ASXL3: variants seen among roughly 807,000 people sequenced by gnomAD.
ASXL3 encodes ASXL transcriptional regulator 3.
In ASXL3, 34 loss-of-function variants were observed where a neutral mutation model predicts 170.6. That is an observed-to-expected ratio of 0.20 (90% CI 0.15 to 0.27). ASXL3 has a LOEUF of 0.27. Ranked by LOEUF, ASXL3 falls within the 10% of genes least tolerant of loss-of-function variation. The pLI is 1.00. For synonymous variants in ASXL3, 1,002 were observed against 989.1 expected, an observed-to-expected ratio of 1.01 and a Z score of -0.24; for missense variants, 2,592 against 2,695.3, an observed-to-expected ratio of 0.96 and a Z score of 0.85.
chr18:33,587,413 A>G (rs2065043679), intron 1 of ASXL3, among the ~76,000 whole-genome samples: 1 of 152,104 alleles, frequency 6.6e-6, no homozygotes, highest in Non-Finnish European at 1.5e-5. Context: ...ACTTTCTTAT[A>G]TCACGCTCCC....
Position 33,745,966 on chromosome 18 carries a change from C to G in ASXL3, c.6118C>G (p.Pro2040Ala), listed in dbSNP as rs760150086. The change falls in exon 12 of 12, where the codon CCG (proline) becomes GCG (alanine). Residue 2040 changes from proline (P) to alanine (A), a missense_variant. Around this residue, in one of 4 missense-constraint regions of ASXL3, gnomAD observed 2,246 missense variants for 2,219.6 expected, o/e 1.01. Transcript: ENST00000269197. ...ALPPPPPPPP[P>A]LPPPLPNAEV... ...GCCCCCGCCTCCCCCCCCACCACCT[C>G]CGCTACCTCCACCTCTCCCTAATGC... 15 of 1,562,652 alleles carry G rather than the reference C, an allele frequency of 9.6e-6. No homozygotes were observed. The South Asian group carries it at 1.6e-4, about 17-fold the overall frequency.
At chr18:33,652,075 G>A (rs966476109) in intron 4 of ASXL3, among the ~76,000 whole-genome samples, 5 of 151,990 alleles carry the variant, frequency 3.3e-5, no homozygotes, top group African/African-American at 1.2e-4. Flanking sequence ...AATGATTTAG[G>A]TGAATTACTT....
intron 10 of ASXL3, among the ~76,000 whole-genome samples, chr18:33,736,916 T>C (rs1282164465): frequency 6.6e-6 from 1 of 152,184 alleles, no homozygotes; most frequent in Non-Finnish European, 1.5e-5. Flanking sequence ...TACCTATATG[T>C]ATATTTAATA....
Position 33,739,327 on chromosome 18 carries a change from T to A in ASXL3, c.1923T>A (p.Thr641=). The change falls in exon 11 of 12, where the codon ACT becomes ACA. Residue 641 remains threonine, a synonymous_variant. Coordinates refer to ENST00000269197, the MANE Select transcript of ASXL3 (RefSeq NM_030632.3). ...AGTCCACATCAGAAGAATCATGTAC[T>A]CCAGCCTCCCTTGAGACAACATTTT... The part of the protein sequence containing the change: ...ETQSTSEESC[T]PASLETTFCS... 6.2e-7 allele frequency: 1 copy of A among 1,613,588 alleles called. No homozygotes were observed. Among genetic ancestry groups the A allele is most frequent in the Non-Finnish European group, 8.5e-7 (1 of 1,179,662 alleles).
At chr18:33,624,476 T>A (rs187899554) in intron 2 of ASXL3, among the ~76,000 whole-genome samples, 16 of 152,212 alleles carry the variant, frequency 1.1e-4, no homozygotes, top group African/African-American at 1.4e-4. Flanking sequence ...GTGGTGATAT[T>A]TCTTTAGCTA....
chr18:33,598,157 ATTG>A (rs1384286485), intron 1 of ASXL3, among the ~76,000 whole-genome samples: 1 of 152,154 alleles, frequency 6.6e-6, no homozygotes, highest in African/African-American at 2.4e-5. Context: ...ATCTGCAAAT[ATTG>A]TTTTCAGAGT....
chr18:33,622,998 T>TA (rs1352650322), intron 2 of ASXL3, among the ~76,000 whole-genome samples: 1 of 152,152 alleles, frequency 6.6e-6, no homozygotes, highest in Non-Finnish European at 1.5e-5. Flanking sequence ...TATCACTTTT[T>TA]ACCTTTGAAA....
chr18:33,734,044 TGCTTTAGCATTCTTCTAAAGCATTTA>T lies in ASXL3; in HGVS notation c.977-202_977-177del, dbSNP rs767463741. ...CCTAGCAGGTAATACATTTGCTAAA[TGCTTTAGCATTCTTCTAAAGCATTTA>T]GCTTTAGCATTCTTCTAAAGCATTT... On this transcript the variant is annotated intron_variant, in intron 9 of 11. Coordinates refer to ENST00000269197, the MANE Select transcript of ASXL3 (RefSeq NM_030632.3). Among the ~76,000 whole-genome samples the T allele has an allele frequency of 0.059, 5,021 of 84,866 alleles. 117 individuals are homozygous for T. Among genetic ancestry groups the T allele is most frequent in the African/African-American group, 0.077 (1,351 of 17,572 alleles). 55.7% of individuals were successfully genotyped at this position (84,866 alleles called of 152,430 possible). A position where few individuals can be genotyped will look rare whatever the true frequency, so the allele number is the denominator to read the frequency against.
At chr18:33,738,402 A>T in intron 10 of ASXL3, 85 bp from the exon 11 acceptor site, 1 of 1,320,768 alleles carries the variant, frequency 7.6e-7, no homozygotes, top group Non-Finnish European at 1.0e-6. Flanking sequence ...ATTTACTTCT[A>T]TTGAATACTA....
At chr18:33,589,750 A>G (rs1407778692) in intron 1 of ASXL3, among the ~76,000 whole-genome samples, 1 of 152,194 alleles carries the variant, frequency 6.6e-6, no homozygotes, top group East Asian at 1.9e-4. Flanking sequence ...ATCAATCATA[A>G]TAAAATTATT....
At chr18:33,706,165 C>T (rs9952522) in intron 8 of ASXL3, among the ~76,000 whole-genome samples, 105,925 of 150,348 alleles carry the variant, frequency 0.7, 38,872 homozygotes, top group East Asian at 0.98. Context: ...AACATTGATA[C>T]TATTATTCTA....
intron 4 of ASXL3, among the ~76,000 whole-genome samples, chr18:33,653,940 A>G (rs1289497293): frequency 3.3e-5 from 5 of 151,910 alleles, no homozygotes; most frequent in African/African-American, 1.2e-4. Flanking sequence ...GACTTATCCC[A>G]ACTCTTTCAA....
intron 4 of ASXL3, among the ~76,000 whole-genome samples, chr18:33,658,390 G>A (rs1020801074): frequency 3.3e-5 from 5 of 152,094 alleles, no homozygotes; most frequent in Admixed American, 3.3e-4. Flanking sequence ...ACTGTACTCA[G>A]TGAATTAGTG....
At chr18:33,594,912 A>G (rs1218979261) in intron 1 of ASXL3, among the ~76,000 whole-genome samples, 1 of 152,068 alleles carries the variant, frequency 6.6e-6, no homozygotes, top group Non-Finnish European at 1.5e-5. Flanking sequence ...TTTTAATTAC[A>G]TCATAATTGA....
At chr18:33,677,096 A>T (rs2066442022) in intron 7 of ASXL3, among the ~76,000 whole-genome samples, 1 of 152,172 alleles carries the variant, frequency 6.6e-6, no homozygotes, top group African/African-American at 2.4e-5. Flanking sequence ...CTTCTAATGG[A>T]TGTCTCCGAG....
In ASXL3 at chr18:33,745,959, A is replaced by G; in HGVS notation, c.6111A>G (p.Pro2037=). The change falls in exon 12 of 12, where the codon CCA becomes CCG. Residue 2037 remains proline, a synonymous_variant. Coordinates refer to ENST00000269197, the MANE Select transcript of ASXL3 (RefSeq NM_030632.3). ...PPLALPPPPP[P]PPPLPPPLPN... is the part of the protein sequence containing the mutation. Reference sequence around the variant, plus strand: ...TGGCTTTGCCCCCGCCTCCCCCCCCACCACCTCCGCTACCTCCACCTCTCC... The same window carrying G: ...TGGCTTTGCCCCCGCCTCCCCCCCCGCCACCTCCGCTACCTCCACCTCTCC... The G allele has an allele frequency of 6.4e-6, 2 of 314,464 alleles. No homozygotes were observed. Among genetic ancestry groups the G allele is most frequent in the Non-Finnish European group, 8.0e-6 (2 of 251,402 alleles). 19.5% of individuals were successfully genotyped at this position (314,464 alleles called of 1,614,324 possible). A position where few individuals can be genotyped will look rare whatever the true frequency, so the allele number is the denominator to read the frequency against.
chr18:33,689,905 C>T (rs1303998890), intron 8 of ASXL3, among the ~76,000 whole-genome samples: 3 of 152,080 alleles, frequency 2.0e-5, no homozygotes, highest in Non-Finnish European at 4.4e-5. Context: ...TATATGTATG[C>T]CTTCATTATT....
chr18:33,581,185 A>T (rs1297969588), intron 1 of ASXL3, among the ~76,000 whole-genome samples: 4 of 152,166 alleles, frequency 2.6e-5, no homozygotes, highest in Non-Finnish European at 5.9e-5. Context: ...TTAACTCTCA[A>T]TTAAAAAAAG....
intron 11 of ASXL3, among the ~76,000 whole-genome samples, chr18:33,741,529 T>G (rs945605213): frequency 7.9e-5 from 12 of 152,208 alleles, no homozygotes; most frequent in African/African-American, 2.9e-4. Flanking sequence ...TATGTTTAAT[T>G]TTTTACATAG....
Sources: allele counts gnomAD v4.1 joint callset (sites outside exome capture counted in the v4.1 genomes callset), GRCh38; gene constraint gnomAD v4.1.1; regional missense constraint gnomAD v4.1.1; transcripts MANE v1.5; gene names NCBI Gene and HGNC (gene_info 2026-07-23, HGNC 2026-07-21).